MED1: variants seen among roughly 807,000 people sequenced by gnomAD.
MED1 encodes the protein mediator complex subunit 1.
A neutral mutation model predicts 121.3 loss-of-function variants in MED1; 17 were observed. The observed-to-expected ratio is 0.14, with a 90% CI of 0.10 to 0.21. The LOEUF is 0.21. MED1 is among the 10% of genes least tolerant of loss of function. The pLI is 1.00. For synonymous variants in MED1, 661 were observed against 694.4 expected, an observed-to-expected ratio of 0.95 and a Z score of 0.76; for missense variants, 1,558 against 1,919.4, an observed-to-expected ratio of 0.81 and a Z score of 3.52.
At chr17:39,431,364 G>A (rs979175139) in intron 8 of MED1, 176 bp from the exon 9 acceptor site, 11 of 454,780 alleles carry the variant, frequency 2.4e-5, no homozygotes, top group Middle Eastern at 6.3e-4. Flanking sequence ...CGCAACCTCC[G>A]CTTCCCAGGT....
chr17:39,424,784 G>A, intron 10 of MED1, 46 bp from the exon 11 acceptor site: 1 of 1,114,088 alleles, frequency 9.0e-7, no homozygotes, highest in Middle Eastern at 1.9e-4. Flanking sequence ...TAATACAAAT[G>A]ATGGGAATCA....
chr17:39,435,671 G>A (rs942239171), intron 6 of MED1, among the ~76,000 whole-genome samples: 1 of 151,912 alleles, frequency 6.6e-6, no homozygotes, highest in Non-Finnish European at 1.5e-5. Flanking sequence ...GGTAATATCA[G>A]GTAAAAGTCA....
chr17:39,434,996 T>A (rs1336697210), intron 6 of MED1, among the ~76,000 whole-genome samples: 1 of 151,984 alleles, frequency 6.6e-6, no homozygotes, highest in African/African-American at 2.4e-5. Context: ...AAACCCCATC[T>A]CTATTAAAAA....
At position 39,409,441 on chromosome 17, in the gene MED1, T is replaced by C. The variant is rs771300561; in HGVS notation, c.2780A>G (p.Asp927Gly). The C allele has an allele frequency of 1.2e-6, 2 of 1,614,046 alleles. No homozygotes were observed. The highest frequency in any genetic ancestry group is 2.2e-5 in the East Asian group (1 of 44,892). The part of the protein sequence containing the change: ...ETKFKGNNQA[D>G]TVDFSIISVA... ...TGAAATAATACTGAAATCAACTGTGTCGGCTTGGTTATTGCCCTTAAACTT... is the reference window on the plus strand; with the variant it reads ...TGAAATAATACTGAAATCAACTGTGCCGGCTTGGTTATTGCCCTTAAACTT... The change falls in exon 17 of 17, where the codon GAC (aspartate) becomes GGC (glycine). Residue 927 changes from aspartate (D) to glycine (G), a missense_variant. Physicochemically the swap from Asp to Gly is moderately conservative, Grantham distance 94 (BLOSUM62 -1). Transcript: ENST00000300651.
intron 16 of MED1, among the ~76,000 whole-genome samples, chr17:39,411,153 T>A (rs1264948030): frequency 6.6e-6 from 1 of 152,060 alleles, no homozygotes; most frequent in African/African-American, 2.4e-5. Context: ...ACCCCGTCTC[T>A]ACTAAAAATA....
At chr17:39,425,433 G>T (rs1018424950) in intron 10 of MED1, among the ~76,000 whole-genome samples, 1 of 152,114 alleles carries the variant, frequency 6.6e-6, no homozygotes, top group Non-Finnish European at 1.5e-5. Flanking sequence ...GCCTAAAGTT[G>T]ATCCACCCAT....
At chr17:39,444,910 C>T (rs971989683) in intron 2 of MED1, among the ~76,000 whole-genome samples, 7 of 152,020 alleles carry the variant, frequency 4.6e-5, no homozygotes, top group African/African-American at 1.7e-4. Flanking sequence ...AAAACTTAGC[C>T]TAGTTTTCCT....
At chr17:39,431,014 G>A (rs2048560461) in intron 9 of MED1, 101 bp downstream of exon 9, 1 of 1,129,016 alleles carries the variant, frequency 8.9e-7, no homozygotes, top group African/African-American at 1.6e-5. Flanking sequence ...GTGAGACTCT[G>A]TCTCAAAAAA....
chr17:39,422,144 GTC>G (rs1156638773), intron 13 of MED1, among the ~76,000 whole-genome samples: 1 of 143,588 alleles, frequency 7.0e-6, no homozygotes, highest in Non-Finnish European at 1.5e-5. Context: ...AAAAAAAAAA[GTC>G]TATCACCCAA....
chr17:39,413,041 G>A (rs1407263837), intron 16 of MED1, among the ~76,000 whole-genome samples: 2 of 152,120 alleles, frequency 1.3e-5, no homozygotes, highest in Non-Finnish European at 2.9e-5. Context: ...GTTCTGGGAT[G>A]CATACTGGCT....
At chr17:39,417,917 G>A (rs151100079) in intron 14 of MED1, among the ~76,000 whole-genome samples, 8,085 of 151,236 alleles carry the variant, frequency 0.053, 243 homozygotes, top group Non-Finnish European at 0.078. Context: ...TCAGGAGTTC[G>A]AGACCAGCCT....
At chr17:39,448,402 C>T (rs542689048) in intron 1 of MED1, among the ~76,000 whole-genome samples, 4 of 151,708 alleles carry the variant, frequency 2.6e-5, no homozygotes, top group African/African-American at 9.7e-5. Context: ...ATTAGCCAAG[C>T]CTCCTGGCAT....
chr17:39,414,631 G>A (rs1261467994), intron 16 of MED1, among the ~76,000 whole-genome samples: 1 of 90,694 alleles, frequency 1.1e-5, no homozygotes, highest in East Asian at 3.8e-4. Context: ...CACCAGGCCC[G>A]GCCTTTTTTT....
chr17:39,450,122 A>ATT (rs5820292), intron 1 of MED1, among the ~76,000 whole-genome samples: 33 of 150,948 alleles, frequency 2.2e-4, no homozygotes, highest in East Asian at 1.2e-3. Context: ...CAATTTTTTT[A>ATT]TTTTTTTTGT....
intron 14 of MED1, among the ~76,000 whole-genome samples, chr17:39,419,122 C>A (rs1044628205): frequency 2.0e-5 from 3 of 151,418 alleles, no homozygotes; most frequent in African/African-American, 7.3e-5. Context: ...TACTGTGTTA[C>A]CCAGGTTGGA....
intron 16 of MED1, among the ~76,000 whole-genome samples, chr17:39,412,621 T>G (rs1397387243): frequency 6.7e-6 from 1 of 149,304 alleles, no homozygotes; most frequent in African/African-American, 2.5e-5. Flanking sequence ...TTACCGCAAC[T>G]TCCGCCTCCC....
At chr17:39,414,912 C>A (rs1030904865) in intron 16 of MED1, 114 bp downstream of exon 16, 1 of 859,606 alleles carries the variant, frequency 1.2e-6, no homozygotes, top group Middle Eastern at 2.3e-4. Flanking sequence ...TCGTGATCCG[C>A]CTGCCTCGGC....
chr17:39,424,613 T>A lies in MED1; in HGVS notation c.851+14A>T. The A allele has an allele frequency of 6.6e-7, 1 of 1,524,958 alleles. No individual in the cohort carries two copies. Among genetic ancestry groups the A allele is most frequent in the Non-Finnish European group, 9.0e-7 (1 of 1,113,192 alleles). The allele number at this position is 1,524,958 out of a possible 1,614,324, so 94.5% of individuals were successfully genotyped here. A position where few individuals can be genotyped will look rare whatever the true frequency, so the allele number is the denominator to read the frequency against. The stretch of plus-strand genomic sequence containing the variant: ...AAAATTGACTTTGCTACTCTAAAAT[T>A]ATATTTAACTTACCATTTATTGTCA... On this transcript the variant is annotated intron_variant, in intron 11 of 16. Transcript: ENST00000300651.
intron 1 of MED1, among the ~76,000 whole-genome samples, chr17:39,449,809 CTTTTTTTTTT>C (rs71147334): frequency 3.2e-5 from 2 of 61,590 alleles, no homozygotes; most frequent in Non-Finnish European, 6.3e-5. Context: ...CACACCCGGC[CTTTTTTTTTT>C]TTTTTTTTTT....
Sources: gnomAD v4.1 joint callset for allele counts (sites outside exome capture counted in the v4.1 genomes callset) on GRCh38, gnomAD v4.1.1 for gene constraint, MANE v1.5 for transcripts, NCBI Gene and HGNC (gene_info 2026-07-23, HGNC 2026-07-21) for gene names.